ARHGEF3: variants seen among roughly 807,000 people sequenced by gnomAD.
The protein encoded by ARHGEF3 is 59.8 kDA protein.
In ARHGEF3, 28 loss-of-function variants were observed where a neutral mutation model predicts 63.2. That is an observed-to-expected ratio of 0.44 (90% CI 0.33 to 0.61). The LOEUF (loss-of-function observed/expected upper bound fraction) is 0.61, where lower values mean the gene tolerates loss of function less well. Ranked by LOEUF, ARHGEF3 falls within the 20% of genes least tolerant of loss-of-function variation. The pLI is 0.03. For missense variants in ARHGEF3, 533 were observed against 659.3 expected (o/e 0.81, Z 2.10); for synonymous variants, 266 against 254.2 (o/e 1.05, Z -0.44).
chr3:56,806,432 A>G (rs1342181812), upstream of ARHGEF3, among the ~76,000 whole-genome samples: 4 of 152,198 alleles, frequency 2.6e-5, no homozygotes, highest in Admixed American at 2.6e-4. Flanking sequence ...AGGCAGCTTC[A>G]CTCAAAGAAA....
At chr3:56,984,518 T>C (rs1402973384) in intron 2 of ARHGEF3, among the ~76,000 whole-genome samples, 1 of 151,988 alleles carries the variant, frequency 6.6e-6, no homozygotes, top group Non-Finnish European at 1.5e-5. Flanking sequence ...ATGATTATAT[T>C]AAAATACTGG....
intron 2 of ARHGEF3, among the ~76,000 whole-genome samples, chr3:56,986,261 G>C (rs545036334): frequency 9.7e-4 from 147 of 152,300 alleles, no homozygotes; most frequent in Non-Finnish European, 2.0e-3. Flanking sequence ...ACCTGCAAAG[G>C]CTTCCCAGTG....
At chr3:56,897,629 C>T (rs1266438635) in intron 3 of ARHGEF3, among the ~76,000 whole-genome samples, 3 of 147,202 alleles carry the variant, frequency 2.0e-5, no homozygotes, top group African/African-American at 5.0e-5. Flanking sequence ...GGTGTGATCT[C>T]GGCTCACTGC....
intron 4 of ARHGEF3, among the ~76,000 whole-genome samples, chr3:56,827,008 C>T (rs1373222252): frequency 6.6e-6 from 1 of 151,902 alleles, no homozygotes. Flanking sequence ...AATATGAAAA[C>T]ATAAAAGAGA....
chr3:56,826,195 A>T (rs1014418859), intron 4 of ARHGEF3, among the ~76,000 whole-genome samples: 42 of 152,306 alleles, frequency 2.8e-4, no homozygotes, highest in Admixed American at 1.1e-3. Context: ...CCTAAGCAAA[A>T]ATAAGCACCT....
intron 3 of ARHGEF3, among the ~76,000 whole-genome samples, chr3:56,899,966 C>T (rs959499646): frequency 2.6e-5 from 4 of 152,180 alleles, no homozygotes; most frequent in Non-Finnish European, 5.9e-5. Flanking sequence ...GACCCAAAAG[C>T]GTTCGCCATC....
intron 2 of ARHGEF3, among the ~76,000 whole-genome samples, chr3:56,759,811 G>T (rs773141719): frequency 6.6e-6 from 1 of 152,168 alleles, no homozygotes; most frequent in Non-Finnish European, 1.5e-5. Context: ...CTCCCAAACT[G>T]CTGGGATTAC....
intron 3 of ARHGEF3, among the ~76,000 whole-genome samples, chr3:56,918,402 A>G (rs544069576): frequency 6.6e-6 from 1 of 152,378 alleles, no homozygotes; most frequent in African/African-American, 2.4e-5. Context: ...AAATCCTAGA[A>G]TGATTCAACC....
At chr3:57,007,466 G>T (rs1702512372) in intron 2 of ARHGEF3, 1 of 923,680 alleles carries the variant, frequency 1.1e-6, no homozygotes, top group Admixed American at 3.2e-5. Flanking sequence ...GTGAAAACAG[G>T]CAGGCATCTT....
At chr3:57,051,720 T>C (rs1704677766) in intron 1 of ARHGEF3, among the ~76,000 whole-genome samples, 1 of 150,486 alleles carries the variant, frequency 6.6e-6, no homozygotes, top group African/African-American at 2.4e-5. Flanking sequence ...TCTCGGCACT[T>C]TGGGAGGCCG....
In ARHGEF3 at chr3:56,727,488, T is replaced by C. The variant is rs1473683261; in HGVS notation, c.*1782A>G. Reference sequence around the variant, plus strand: ...TAAGGCCATTATACAAAAACATTCATTTCATCAAAACATTCATTGACCACC... The same window carrying C: ...TAAGGCCATTATACAAAAACATTCACTTCATCAAAACATTCATTGACCACC... On this transcript the variant is annotated 3_prime_UTR_variant, in exon 10 of 10. Coordinates refer to ENST00000296315, the MANE Select transcript of ARHGEF3 (RefSeq NM_019555.3). 1 of 152,652 alleles carries C rather than the reference T, an allele frequency of 6.6e-6. No homozygotes were observed. Among genetic ancestry groups the C allele is most frequent in the Non-Finnish European group, 1.5e-5 (1 of 68,042 alleles). The allele number at this position is 152,652 out of a possible 1,614,324, so 9.5% of individuals were successfully genotyped here.
chr3:56,979,139 G>A (rs1434941352), intron 2 of ARHGEF3, among the ~76,000 whole-genome samples: 1 of 152,230 alleles, frequency 6.6e-6, no homozygotes, highest in Non-Finnish European at 1.5e-5. Context: ...GGGCAACACA[G>A]TGAGACCTTA....
chr3:56,804,690 C>T (rs916454024), upstream of ARHGEF3, among the ~76,000 whole-genome samples: 1 of 152,202 alleles, frequency 6.6e-6, no homozygotes, highest in South Asian at 2.1e-4. Context: ...AGGTATGGGG[C>T]AGGAAAGAGC....
intron 2 of ARHGEF3, among the ~76,000 whole-genome samples, chr3:56,995,620 CGAGAGAGAGAGAGAGAGAGAGAGAGAGA>C (rs66778716): frequency 9.3e-4 from 105 of 113,226 alleles, no homozygotes; most frequent in South Asian, 3.0e-3. Flanking sequence ...GTAAATTTTC[CGAGAGAGAGAGAGAGAGAGAGAGAGAGA>C]GAGAGAGAGA....
chr3:56,780,256 C>T (rs1306010908), intron 1 of ARHGEF3, among the ~76,000 whole-genome samples: 1 of 152,180 alleles, frequency 6.6e-6, no homozygotes, highest in East Asian at 1.9e-4. Context: ...TATGTTTTTG[C>T]TAAAGATTAT....
chr3:56,823,399 C>T (rs891201194), intron 4 of ARHGEF3, among the ~76,000 whole-genome samples: 5 of 152,122 alleles, frequency 3.3e-5, no homozygotes, highest in African/African-American at 1.2e-4. Context: ...ATGGTCCAGC[C>T]AGGCATATCC....
chr3:56,951,876 A>T (rs571933007), intron 3 of ARHGEF3, among the ~76,000 whole-genome samples: 1 of 151,980 alleles, frequency 6.6e-6, no homozygotes, highest in Non-Finnish European at 1.5e-5. Context: ...TGTGCTTTGG[A>T]ATGAGGTGAG....
Position 56,967,436 on chromosome 3 carries a change from A to AATATATT in ARHGEF3, c.63-8554_63-8548dup, listed in dbSNP as rs1229433754. On this transcript the variant is annotated intron_variant, in intron 2 of 12. Transcript: ENST00000338458. ...ATATTATACATATTATATATTATAT[A>AATATATT]ATATATTATATATTATACATATTAT... 8.9e-3 allele frequency among the ~76,000 whole-genome samples: 624 copies of AATATATT among 69,754 alleles called. 117 individuals are homozygous for AATATATT. Among genetic ancestry groups the AATATATT allele is most frequent in the Admixed American group, 0.013 (42 of 3,350 alleles). The allele number at this position is 69,754 out of a possible 152,430, so 45.8% of individuals were successfully genotyped here. A position where few individuals can be genotyped will look rare whatever the true frequency, so the allele number is the denominator to read the frequency against.
At chr3:56,854,993 C>T (rs147255926) in intron 4 of ARHGEF3, among the ~76,000 whole-genome samples, 135 of 152,166 alleles carry the variant, frequency 8.9e-4, no homozygotes, top group African/African-American at 3.1e-3. Context: ...TTATGTAGCA[C>T]ATGGCAGAGG....
Sources: gnomAD v4.1 joint callset for allele counts (sites outside exome capture counted in the v4.1 genomes callset) on GRCh38, gnomAD v4.1.1 for gene constraint, MANE v1.5 for transcripts, NCBI Gene and HGNC (gene_info 2026-07-23, HGNC 2026-07-21) for gene names.